Variants in EYS observed in about 807,000 individuals in gnomAD.
EYS encodes protein eyes shut homolog.
EYS carries 250 observed loss-of-function variants against 282.1 expected under a neutral mutation model. The ratio of observed to expected loss-of-function variants is 0.89; its 90% CI spans 0.80 to 0.98. The LOEUF is 0.98. Ranked by LOEUF, EYS falls within the 50% of genes least tolerant of loss-of-function variation. The pLI, the probability that EYS is intolerant of heterozygous loss-of-function variation, is 0.00. For missense variants in EYS, 4,016 were observed against 3,709.0 expected, an observed-to-expected ratio of 1.08 and a Z score of -2.15; for synonymous variants, 1,355 against 1,282.9, an observed-to-expected ratio of 1.06 and a Z score of -1.20.
At chr6:64,044,175 A>C (rs1375196835) in intron 33 of EYS, among the ~76,000 whole-genome samples, 1 of 152,192 alleles carries the variant, frequency 6.6e-6, no homozygotes, top group African/African-American at 2.4e-5. Context: ...CTTCCTTTTT[A>C]AAACAGTTTA....
chr6:64,492,395 G>C (rs1418010152), intron 26 of EYS, among the ~76,000 whole-genome samples: 1 of 151,010 alleles, frequency 6.6e-6, no homozygotes, highest in Non-Finnish European at 1.5e-5. Context: ...AGGCAATTTT[G>C]ACACAGATTA....
intron 16 of EYS, among the ~76,000 whole-genome samples, chr6:64,910,861 A>T (rs925248099): frequency 2.6e-5 from 4 of 152,082 alleles, no homozygotes; most frequent in East Asian, 3.8e-4. Flanking sequence ...TTTTTAAAAT[A>T]TTAAGGTTTG....
At chr6:65,691,611 C>T (rs866358461) in intron 1 of EYS, among the ~76,000 whole-genome samples, 15 of 150,460 alleles carry the variant, frequency 1.0e-4, no homozygotes, top group African/African-American at 3.4e-4. Flanking sequence ...TCAATTTTGG[C>T]TTTTGTTGCC....
At chr6:63,964,205 A>G (rs1766202549) in intron 35 of EYS, among the ~76,000 whole-genome samples, 1 of 152,206 alleles carries the variant, frequency 6.6e-6, no homozygotes, top group Admixed American at 6.5e-5. Flanking sequence ...TCACATCAGA[A>G]TAAACAAACC....
chr6:64,772,528 A>T lies in EYS; in HGVS notation c.3443+40850T>A, dbSNP rs1294186941. 2.6e-5 allele frequency among the ~76,000 whole-genome samples: 4 copies of T among 151,786 alleles called. No individual in the cohort carries two copies. In the Admixed American group the frequency reaches 2.6e-4, roughly 10 times the overall value. ...ACAGACAATTCAATTATAGTCTCTT[A>T]GTTATTTTAAAATCTACAGTAAACT... is the stretch of plus-strand genomic sequence containing the variant. On this transcript the variant is annotated intron_variant, in intron 22 of 42. Transcript: ENST00000503581.
intron 28 of EYS, among the ~76,000 whole-genome samples, chr6:64,409,942 T>G (rs1186250160): frequency 1.3e-5 from 2 of 152,130 alleles, no homozygotes; most frequent in Non-Finnish European, 2.9e-5. Context: ...AGGGGTAAGT[T>G]TATATTTTAT....
chr6:63,762,795 T>A (rs573052199), intron 40 of EYS, among the ~76,000 whole-genome samples, 162 bp from the exon 41 acceptor site: 7 of 152,212 alleles, frequency 4.6e-5, no homozygotes, highest in African/African-American at 1.7e-4. Flanking sequence ...AGTTAATAAC[T>A]GGTTATAGGA....
intron 12 of EYS, among the ~76,000 whole-genome samples, chr6:65,263,327 C>T (rs1005257189): frequency 1.3e-5 from 2 of 151,844 alleles, no homozygotes; most frequent in Non-Finnish European, 2.9e-5. Context: ...GGTGACAGAG[C>T]GAGACCCTTT....
intron 39 of EYS, among the ~76,000 whole-genome samples, chr6:63,784,427 A>T (rs319921): frequency 6.6e-6 from 1 of 152,162 alleles, no homozygotes; most frequent in Non-Finnish European, 1.5e-5. Context: ...CCATTCTCAC[A>T]TTGCTGTAAC....
chr6:65,441,344 A>G (rs960506148), intron 5 of EYS, among the ~76,000 whole-genome samples: 1 of 151,920 alleles, frequency 6.6e-6, no homozygotes, highest in Non-Finnish European at 1.5e-5. Context: ...TTTTGACACT[A>G]TATGTGTTAG....
chr6:64,589,327 G>T (rs1766327348), intron 26 of EYS, among the ~76,000 whole-genome samples: 1 of 151,844 alleles, frequency 6.6e-6, no homozygotes, highest in African/African-American at 2.4e-5. Flanking sequence ...TTTAAACGTT[G>T]GGGTAATATA....
At chr6:64,048,067 G>A (rs576724921) in intron 33 of EYS, among the ~76,000 whole-genome samples, 125 of 152,118 alleles carry the variant, frequency 8.2e-4, no homozygotes, top group African/African-American at 2.8e-3. Context: ...CATCATGCCC[G>A]GCTAATTTTT....
chr6:64,017,049 G>T (rs1262151371), intron 33 of EYS, among the ~76,000 whole-genome samples: 1 of 151,614 alleles, frequency 6.6e-6, no homozygotes, highest in Non-Finnish European at 1.5e-5. Context: ...CCTGTCCTCT[G>T]CTTGAACCTT....
At chr6:64,697,682 GC>G (rs1191726281) in intron 22 of EYS, among the ~76,000 whole-genome samples, 12 of 152,146 alleles carry the variant, frequency 7.9e-5, no homozygotes, top group African/African-American at 2.9e-4. Flanking sequence ...GGTGGCTCAT[GC>G]CTGTAATCCC....
intron 14 of EYS, among the ~76,000 whole-genome samples, chr6:64,996,974 C>T (rs1771284643): frequency 6.6e-6 from 1 of 152,068 alleles, no homozygotes; most frequent in Non-Finnish European, 1.5e-5. Flanking sequence ...TGAGTGAGTC[C>T]ACCTTGAGTA....
intron 16 of EYS, among the ~76,000 whole-genome samples, chr6:64,908,423 T>C (rs1405958007): frequency 6.6e-6 from 1 of 152,110 alleles, no homozygotes; most frequent in Non-Finnish European, 1.5e-5. Context: ...GCAGCTCAGT[T>C]GGTGCCTTGC....
intron 35 of EYS, among the ~76,000 whole-genome samples, chr6:63,891,038 G>A (rs569204504): frequency 2.6e-5 from 4 of 152,246 alleles, no homozygotes; most frequent in African/African-American, 9.6e-5. Flanking sequence ...ACTAAACCAG[G>A]AAGAAGTCAA....
At chr6:64,093,946 T>C (rs1217537708) in intron 31 of EYS, among the ~76,000 whole-genome samples, 1 of 152,194 alleles carries the variant, frequency 6.6e-6, no homozygotes, top group Non-Finnish European at 1.5e-5. Flanking sequence ...ACTACTTTAT[T>C]GAGAGTTTTT....
chr6:65,003,732 A>G (rs1447122947), intron 13 of EYS, among the ~76,000 whole-genome samples: 3 of 147,378 alleles, frequency 2.0e-5, no homozygotes, highest in Non-Finnish European at 4.6e-5. Context: ...AGGAAAATAG[A>G]AAAGAACCTA....
Sources: allele counts gnomAD v4.1 joint callset (sites outside exome capture counted in the v4.1 genomes callset), GRCh38; gene constraint gnomAD v4.1.1; transcripts MANE v1.5; gene names NCBI Gene and HGNC (gene_info 2026-07-23, HGNC 2026-07-21).